The following MRPL48 variants were observed in gnomAD, a reference collection of about 807,000 sequenced individuals.
The protein encoded by MRPL48 is mitochondrial ribosomal protein L48, also known as large ribosomal subunit protein mL48.
MRPL48 carries 16 observed loss-of-function variants against 32.9 expected under a neutral mutation model. The ratio of observed to expected loss-of-function variants is 0.49; its 90% CI spans 0.33 to 0.74. MRPL48 has a LOEUF of 0.74. Ranked by LOEUF, MRPL48 falls within the 30% of genes least tolerant of loss-of-function variation. The probability of loss-of-function intolerance (pLI) is 0.02; values close to 1 mark genes in which losing one functional copy is unlikely to be tolerated. For synonymous variants in MRPL48, 94 were observed against 89.2 expected, an observed-to-expected ratio of 1.05 and a Z score of -0.31; for missense variants, 206 against 245.3, an observed-to-expected ratio of 0.84 and a Z score of 1.07.
chr11:73,841,830 C>T (rs894041447), intron 4 of MRPL48, among the ~76,000 whole-genome samples: 5 of 152,048 alleles, frequency 3.3e-5, no homozygotes, highest in Non-Finnish European at 7.4e-5. Context: ...AAGATATTTA[C>T]ACTATTAGAA....
rs377227314 is a variant in MRPL48 at position 73,844,969 on chromosome 11, G to A, written c.364G>A (p.Glu122Lys). The change falls in exon 5 of 8, where the codon GAG becomes AAG. Residue 122 changes from glutamate to lysine, a missense_variant. Coordinates refer to ENST00000310614, the MANE Select transcript of MRPL48 (RefSeq NM_016055.6). ...NLCNSLSIKV[E>K]ESYAMPTKTI... ...CTGCAACTCTCTCTCCATTAAAGTC[G>A]AGGAAAGGTATGAAGGATGCTTTTG... is the stretch of plus-strand genomic sequence containing the variant. 57 of 1,607,344 alleles carry A rather than the reference G, an allele frequency of 3.5e-5. No individual in the cohort carries two copies. The highest frequency in any genetic ancestry group is 1.9e-4 in the African/African-American group (14 of 74,762).
chr11:73,796,624 C>T (rs1481143635), intron 1 of MRPL48, among the ~76,000 whole-genome samples: 2 of 152,212 alleles, frequency 1.3e-5, no homozygotes, highest in Non-Finnish European at 2.9e-5. Flanking sequence ...CCATTGAGAC[C>T]CCACCTTCAG....
chr11:73,856,483 G>C (rs1373403793), intron 5 of MRPL48, among the ~76,000 whole-genome samples: 7 of 152,146 alleles, frequency 4.6e-5, no homozygotes, highest in Non-Finnish European at 1.0e-4. Context: ...GGCCTCTCAT[G>C]TGGGTCCCTT....
At chr11:73,814,201 G>A (rs1027495166) in intron 3 of MRPL48, among the ~76,000 whole-genome samples, 5 of 151,410 alleles carry the variant, frequency 3.3e-5, no homozygotes, top group Non-Finnish European at 5.9e-5. Context: ...GACCATCCTG[G>A]ACAACATAGG....
intron 2 of MRPL48, among the ~76,000 whole-genome samples, chr11:73,807,375 T>C (rs558217259): frequency 7.2e-6 from 1 of 139,290 alleles, no homozygotes; most frequent in East Asian, 2.0e-4. Context: ...TCCCTTTATT[T>C]CCCTTCCATC....
At chr11:73,813,185 T>C (rs543620163) in intron 3 of MRPL48, among the ~76,000 whole-genome samples, 3 of 152,116 alleles carry the variant, frequency 2.0e-5, no homozygotes, top group African/African-American at 7.2e-5. Flanking sequence ...TATTTACTTA[T>C]TTTTGAGACA....
At chr11:73,823,504 G>A (rs1947820630) in intron 3 of MRPL48, among the ~76,000 whole-genome samples, 1 of 152,086 alleles carries the variant, frequency 6.6e-6, no homozygotes, top group African/African-American at 2.4e-5. Context: ...GAAAGAAACA[G>A]GTGGGACTTC....
chr11:73,796,915 AAATT>A (rs1947264286), intron 1 of MRPL48, among the ~76,000 whole-genome samples: 1 of 152,094 alleles, frequency 6.6e-6, no homozygotes, highest in African/African-American at 2.4e-5. Flanking sequence ...AAATACAAAA[AAATT>A]AGCCGAGCGT....
chr11:73,798,646 A>G (rs1022740652), intron 1 of MRPL48, among the ~76,000 whole-genome samples: 17 of 152,120 alleles, frequency 1.1e-4, no homozygotes, highest in African/African-American at 3.9e-4. Context: ...TATTTAAGTA[A>G]CAGATGGATC....
At position 73,824,891 on chromosome 11, in the gene MRPL48, G is replaced by C. The variant is rs546914424; in HGVS notation, c.113-817G>C. On this transcript the variant is annotated intron_variant, in intron 3 of 7. Transcript: ENST00000310614. ...GCATATTCTAGGAGCCAAAAGGAGA[G>C]AATAAGGGGACAAACTGAGAATCCG... 1.6e-4 allele frequency among the ~76,000 whole-genome samples: 24 copies of C among 152,206 alleles called. No homozygotes were observed. In the East Asian group the frequency reaches 4.7e-3, roughly 29 times the overall value.
intron 3 of MRPL48, among the ~76,000 whole-genome samples, chr11:73,808,692 C>T (rs529041080): frequency 4.9e-4 from 75 of 151,816 alleles, no homozygotes; most frequent in African/African-American, 1.6e-3. Flanking sequence ...GAGGCCGAGG[C>T]GGGCGGATCA....
chr11:73,803,284 C>T (rs1372763319), intron 1 of MRPL48, among the ~76,000 whole-genome samples: 4 of 151,948 alleles, frequency 2.6e-5, no homozygotes. Context: ...GCACGCACCA[C>T]CACCCCTGGC....
chr11:73,863,285 C>G (rs774601912), intron 7 of MRPL48, 24 bp downstream of exon 7: 2 of 1,528,604 alleles, frequency 1.3e-6, no homozygotes, highest in Admixed American at 2.0e-5. Context: ...TGAGAAGAGG[C>G]CCCTGCTGGC....
rs185219029 is a variant in MRPL48 at position 73,839,634 on chromosome 11, G to T, written c.202-5173G>T. The stretch of plus-strand genomic sequence containing the variant: ...ACGCCACACACAGAAATGACTTAAA[G>T]ATGGATTGTAGATCTAAATGTAAAT... On this transcript the variant is annotated intron_variant, in intron 4 of 7. Transcript: ENST00000310614. Among the ~76,000 whole-genome samples the T allele has an allele frequency of 5.3e-5, 8 of 152,282 alleles. No homozygotes were observed. The East Asian group carries it at 1.5e-3, about 29-fold the overall frequency.
chr11:73,796,392 C>T (rs574811335), intron 1 of MRPL48, among the ~76,000 whole-genome samples: 118 of 152,374 alleles, frequency 7.7e-4, no homozygotes, highest in Non-Finnish European at 1.4e-3. Context: ...CAGGTACTGT[C>T]GCAGCCTGGC....
At chr11:73,812,149 G>A (rs574131616) in intron 3 of MRPL48, among the ~76,000 whole-genome samples, 1 of 152,128 alleles carries the variant, frequency 6.6e-6, no homozygotes, top group Non-Finnish European at 1.5e-5. Context: ...GCCTCCCAAA[G>A]TGCTGGGATT....
At chr11:73,831,940 C>CAAAAAAAAA in intron 4 of MRPL48, among the ~76,000 whole-genome samples, 1 of 67,108 alleles carries the variant, frequency 1.5e-5, no homozygotes, top group Non-Finnish European at 2.6e-5. Flanking sequence ...AACTCTGTCT[C>CAAAAAAAAA]AAAAAAAAAA....
At chr11:73,825,665 G>C (rs1776877111) in intron 3 of MRPL48, 43 bp from the exon 4 acceptor site, 1 of 1,505,072 alleles carries the variant, frequency 6.6e-7, no homozygotes, top group Admixed American at 2.0e-5. Flanking sequence ...AACGATAATA[G>C]CAACAACAAA....
At chr11:73,831,940 C>CAAAAAAAAAAAAAAAA (rs4019304) in intron 4 of MRPL48, among the ~76,000 whole-genome samples, 7 of 67,086 alleles carry the variant, frequency 1.0e-4, no homozygotes, top group East Asian at 8.9e-4. Context: ...AACTCTGTCT[C>CAAAAAAAAAAAAAAAA]AAAAAAAAAA....
Sources: gnomAD v4.1 joint callset for allele counts (sites outside exome capture counted in the v4.1 genomes callset) on GRCh38, gnomAD v4.1.1 for gene constraint, MANE v1.5 for transcripts, NCBI Gene and HGNC (gene_info 2026-07-23, HGNC 2026-07-21) for gene names.